Variants in RNF216 observed in about 807,000 individuals in gnomAD.
RNF216 encodes E3 ubiquitin-protein ligase RNF216.
In RNF216, 72 loss-of-function variants were observed where a neutral mutation model predicts 110.8. That is an observed-to-expected ratio of 0.65 (90% CI 0.54 to 0.79). The LOEUF (loss-of-function observed/expected upper bound fraction) is 0.79, where lower values mean the gene tolerates loss of function less well. Ranked by LOEUF, RNF216 falls within the 30% of genes least tolerant of loss-of-function variation. The probability of loss-of-function intolerance (pLI) is 0.00; values close to 1 mark genes in which losing one functional copy is unlikely to be tolerated. For missense variants in RNF216, 1,342 were observed against 1,141.2 expected, an observed-to-expected ratio of 1.18 and a Z score of -2.54; for synonymous variants, 495 against 407.5, an observed-to-expected ratio of 1.21 and a Z score of -2.59.
At chr7:5,637,106 T>C (rs1054017958) in intron 15 of RNF216, among the ~76,000 whole-genome samples, 46 of 152,190 alleles carry the variant, frequency 3.0e-4, no homozygotes, top group African/African-American at 1.0e-3. Flanking sequence ...AAAATCTATT[T>C]TTTCAAGATT....
At chr7:5,771,548 G>T (rs952931560) in intron 1 of RNF216, among the ~76,000 whole-genome samples, 7 of 152,162 alleles carry the variant, frequency 4.6e-5, no homozygotes, top group Admixed American at 2.0e-4. Flanking sequence ...TGTAATCCCT[G>T]CACTTTGGAA....
chr7:5,764,973 G>C (rs886400313), intron 1 of RNF216, among the ~76,000 whole-genome samples: 3 of 151,694 alleles, frequency 2.0e-5, no homozygotes, highest in African/African-American at 7.3e-5. Flanking sequence ...CTGAGGCTGA[G>C]GCTAGAGGAT....
At chr7:5,720,567 T>C (rs925173161) in intron 9 of RNF216, among the ~76,000 whole-genome samples, 2 of 152,124 alleles carry the variant, frequency 1.3e-5, no homozygotes, top group East Asian at 1.9e-4. Flanking sequence ...CTAACTTTCA[T>C]GTTGTTCAAG....
chr7:5,627,508 G>C (rs1416605456), intron 15 of RNF216, among the ~76,000 whole-genome samples: 3 of 152,198 alleles, frequency 2.0e-5, no homozygotes, highest in Non-Finnish European at 1.5e-5. Flanking sequence ...AGCACTTTGG[G>C]AGGCTGAGGC....
intron 13 of RNF216, among the ~76,000 whole-genome samples, chr7:5,709,554 CAT>C (rs1226437008): frequency 6.6e-6 from 1 of 152,226 alleles, no homozygotes; most frequent in Non-Finnish European, 1.5e-5. Context: ...TAACTACTCA[CAT>C]GTTTCACTGA....
chr7:5,687,514 T>C (rs1260296207), intron 13 of RNF216, among the ~76,000 whole-genome samples: 1 of 152,044 alleles, frequency 6.6e-6, no homozygotes, highest in African/African-American at 2.4e-5. Flanking sequence ...ACAAAGATAC[T>C]GTAGAAAGAC....
At chr7:5,687,143 C>T (rs1181259256) in intron 13 of RNF216, among the ~76,000 whole-genome samples, 2 of 152,104 alleles carry the variant, frequency 1.3e-5, no homozygotes, top group South Asian at 4.2e-4. Context: ...TGCCTGTAAT[C>T]CCAGCACTCT....
chr7:5,640,774 G>C (rs1474451620), intron 15 of RNF216, among the ~76,000 whole-genome samples: 1 of 152,170 alleles, frequency 6.6e-6, no homozygotes, highest in East Asian at 1.9e-4. Flanking sequence ...TAGATTATAA[G>C]TGAGTCTCAT....
chr7:5,698,384 T>TATACACACACAC (rs1554254095), intron 13 of RNF216, among the ~76,000 whole-genome samples: 2 of 145,300 alleles, frequency 1.4e-5, no homozygotes, highest in African/African-American at 5.1e-5. Flanking sequence ...GATTCTTTTA[T>TATACACACACAC]ACACACACAC....
At chr7:5,630,067 TG>T (rs1283017232) in intron 15 of RNF216, among the ~76,000 whole-genome samples, 9 of 151,754 alleles carry the variant, frequency 5.9e-5, no homozygotes, top group African/African-American at 1.9e-4. Flanking sequence ...CCTAGGCTGC[TG>T]GGAGAGGGGA....
At chr7:5,769,645 G>A (rs1480532049) in intron 1 of RNF216, among the ~76,000 whole-genome samples, 1 of 151,986 alleles carries the variant, frequency 6.6e-6, no homozygotes, top group African/African-American at 2.4e-5. Flanking sequence ...GACTGCTTGA[G>A]CCTAAGAGGC....
chr7:5,757,292 T>C (rs754816880), intron 2 of RNF216, among the ~76,000 whole-genome samples: 15 of 152,208 alleles, frequency 9.9e-5, no homozygotes, highest in African/African-American at 3.6e-4. Flanking sequence ...TTACTAAGTA[T>C]ACAGGGATTA....
intron 13 of RNF216, chr7:5,662,431 C>T (rs1490053149): frequency 6.6e-6 from 1 of 152,252 alleles, no homozygotes; most frequent in Non-Finnish European, 1.5e-5. Context: ...ATACTTGCCA[C>T]TTACCTCCTC....
chr7:5,766,691 G>C (rs1278634766), intron 1 of RNF216, among the ~76,000 whole-genome samples: 1 of 152,182 alleles, frequency 6.6e-6, no homozygotes, highest in Non-Finnish European at 1.5e-5. Context: ...TATTTTGTTA[G>C]TCTATGGTAT....
chr7:5,736,375 G>A (rs1794399578), intron 5 of RNF216, among the ~76,000 whole-genome samples: 1 of 152,196 alleles, frequency 6.6e-6, no homozygotes, highest in Admixed American at 6.5e-5. Context: ...GCCAGCCTCG[G>A]CCTCCCGAGG....
chr7:5,772,459 T>C (rs1466001169), intron 1 of RNF216, among the ~76,000 whole-genome samples: 2 of 152,014 alleles, frequency 1.3e-5, no homozygotes, highest in African/African-American at 4.8e-5. Flanking sequence ...CAGGCTGGAG[T>C]GCAGTGGTGC....
At chr7:5,770,653 C>T (rs977967522) in intron 1 of RNF216, among the ~76,000 whole-genome samples, 2 of 151,530 alleles carry the variant, frequency 1.3e-5, no homozygotes, top group African/African-American at 4.9e-5. Context: ...TACAGGAAAA[C>T]AGCCAAGAAT....
chr7:5,703,579 A>T (rs925601317), intron 13 of RNF216, among the ~76,000 whole-genome samples: 1 of 152,240 alleles, frequency 6.6e-6, no homozygotes, highest in African/African-American at 2.4e-5. Flanking sequence ...GCTACAAAGA[A>T]TAGGATGGGA....
At chr7:5,775,581 C>G (rs568304105) in intron 1 of RNF216, among the ~76,000 whole-genome samples, 23 of 152,072 alleles carry the variant, frequency 1.5e-4, no homozygotes, top group African/African-American at 5.3e-4. Flanking sequence ...AAAAAGTGGG[C>G]AAAGCAGGCC....
Sources: gnomAD v4.1 joint callset for allele counts (sites outside exome capture counted in the v4.1 genomes callset) on GRCh38, gnomAD v4.1.1 for gene constraint, MANE v1.5 for transcripts, NCBI Gene and HGNC (gene_info 2026-07-23, HGNC 2026-07-21) for gene names.